The following SOCS6 variants were observed in gnomAD, a reference collection of about 807,000 sequenced individuals.
SOCS6 encodes the protein STAT induced STAT inhibitor-4.
SOCS6 carries 5 observed loss-of-function variants against 27.7 expected under a neutral mutation model. That is an observed-to-expected ratio of 0.18 (90% CI 0.09 to 0.38). SOCS6 has a LOEUF of 0.38. SOCS6 is among the 10% of genes least tolerant of loss of function. The pLI, the probability that SOCS6 is intolerant of heterozygous loss-of-function variation, is 1.00. For missense variants in SOCS6, 595 were observed against 688.1 expected (o/e 0.86, Z 1.51); for synonymous variants, 271 against 260.0 (o/e 1.04, Z -0.41).
At chr18:70,292,558 A>T (rs1183030708) in intron 1 of SOCS6, among the ~76,000 whole-genome samples, 1 of 152,102 alleles carries the variant, frequency 6.6e-6, no homozygotes, top group Non-Finnish European at 1.5e-5. Context: ...TATGTTGCCC[A>T]GTTGGTCTTG....
intron 1 of SOCS6, among the ~76,000 whole-genome samples, chr18:70,308,617 G>C (rs996244942): frequency 6.6e-6 from 1 of 152,076 alleles, no homozygotes; most frequent in Non-Finnish European, 1.5e-5. Flanking sequence ...TATATACCTT[G>C]CTATTTCATC....
intron 1 of SOCS6, among the ~76,000 whole-genome samples, chr18:70,295,924 T>C (rs2062320807): frequency 6.6e-6 from 1 of 152,182 alleles, no homozygotes; most frequent in African/African-American, 2.4e-5. Context: ...TCCTGGGAAC[T>C]GGGGAGTTTG....
intron 1 of SOCS6, among the ~76,000 whole-genome samples, chr18:70,315,725 C>T (rs7228521): frequency 0.054 from 8,167 of 152,068 alleles, 722 homozygotes; most frequent in African/African-American, 0.18. Context: ...TTATAATTAG[C>T]GACTTCTTGA....
At chr18:70,305,674 A>G (rs2062366171) in intron 1 of SOCS6, among the ~76,000 whole-genome samples, 1 of 152,224 alleles carries the variant, frequency 6.6e-6, no homozygotes, top group South Asian at 2.1e-4. Flanking sequence ...ATAATATTGA[A>G]TCTTCCAGTT....
chr18:70,289,605 C>A (rs1286753293), intron 1 of SOCS6, among the ~76,000 whole-genome samples: 2 of 144,054 alleles, frequency 1.4e-5, no homozygotes, highest in Non-Finnish European at 3.1e-5. Flanking sequence ...CGGGCTCGGG[C>A]TCGGGGTCGG....
Position 70,325,868 on chromosome 18 carries a change from C to T in SOCS6, c.1200C>T (p.Asn400=), listed in dbSNP as rs151095277. 3.5e-3 allele frequency: 5,727 copies of T among 1,614,152 alleles called. 14 individuals are homozygous for T. The highest frequency in any genetic ancestry group is 4.5e-3 in the Non-Finnish European group (5,288 of 1,180,002). ...TRWEAEGKLA[N]VPDGSFLVRD... ...GGGAGGCAGAAGGGAAGCTAGCAAA[C>T]GTGCCAGATGGTTCTTTTCTTGTTC... The change falls in exon 2 of 2, where the codon AAC becomes AAT. Residue 400 remains asparagine (N), a synonymous_variant. Coordinates refer to ENST00000397942, the MANE Select transcript of SOCS6 (RefSeq NM_004232.4). This position sits in a 1 kb window ranked among gnomAD's most constrained non-coding sequence, Gnocchi z 6.3.
At chr18:70,316,179 A>G (rs2062410667) in intron 1 of SOCS6, among the ~76,000 whole-genome samples, 1 of 152,118 alleles carries the variant, frequency 6.6e-6, no homozygotes, top group Non-Finnish European at 1.5e-5. Flanking sequence ...ATGTTAGTAT[A>G]CATTTGTGTT....
chr18:70,316,250 AT>A (rs987973298), intron 1 of SOCS6, among the ~76,000 whole-genome samples: 17 of 151,534 alleles, frequency 1.1e-4, no homozygotes, highest in South Asian at 4.2e-4. Flanking sequence ...AATTTAATTA[AT>A]TTTTTTTTGT....
At chr18:70,319,671 A>G (rs189093256) in intron 1 of SOCS6, among the ~76,000 whole-genome samples, 1 of 152,014 alleles carries the variant, frequency 6.6e-6, no homozygotes, top group East Asian at 1.9e-4. Flanking sequence ...AAGCTATAAA[A>G]ATTAATTTTA....
In SOCS6 at chr18:70,306,984, C is replaced by T. The variant is rs2062372227; in HGVS notation, c.-126-17559C>T. ...TGATGTTTTGTTAAGAAGTTTTGGC[C>T]AAGCATGGTGGCTTACGCCTGTAAT... On this transcript the variant is annotated intron_variant, in intron 1 of 1. Coordinates refer to ENST00000397942, the MANE Select transcript of SOCS6 (RefSeq NM_004232.4). Among the ~76,000 whole-genome samples the T allele has an allele frequency of 2.0e-5, 3 of 152,068 alleles. No homozygotes were observed. The South Asian group carries it at 6.2e-4, about 31-fold the overall frequency.
rs957352616 is a variant in SOCS6 at position 70,329,559 on chromosome 18, C to T, written c.*3283C>T. On this transcript the variant is annotated 3_prime_UTR_variant, in exon 2 of 2. Coordinates refer to ENST00000397942, the MANE Select transcript of SOCS6 (RefSeq NM_004232.4). The stretch of plus-strand genomic sequence containing the variant: ...GAGAGATACTGCTTTATGAATGAAT[C>T]GGAATAATACATTTTCATTTAAATC... 10 of 167,004 alleles carry T rather than the reference C, an allele frequency of 6.0e-5. No homozygotes were observed. The highest frequency in any genetic ancestry group is 2.2e-4 in the African/African-American group (9 of 41,436). 10.3% of individuals were successfully genotyped at this position (167,004 alleles called of 1,614,324 possible).
intron 1 of SOCS6, among the ~76,000 whole-genome samples, chr18:70,321,174 T>C (rs1288160285): frequency 6.6e-6 from 1 of 151,670 alleles, no homozygotes; most frequent in African/African-American, 2.4e-5. Context: ...CTCAGGAGGC[T>C]GAGGTGGGAG....
At chr18:70,300,309 A>G (rs2062342715) in intron 1 of SOCS6, among the ~76,000 whole-genome samples, 1 of 151,974 alleles carries the variant, frequency 6.6e-6, no homozygotes, top group Non-Finnish European at 1.5e-5. Context: ...GTATTTTTTT[A>G]GTAGAGACAA....
chr18:70,325,723 C>G lies in SOCS6; in HGVS notation c.1055C>G (p.Pro352Arg). 1 of 1,614,210 alleles carries G rather than the reference C, an allele frequency of 6.2e-7. No individual in the cohort carries two copies. The highest frequency in any genetic ancestry group is 8.5e-7 in the Non-Finnish European group (1 of 1,180,024). ...CHLNFDPNSA[P>R]GVARVYDSVQ... ...TTGAATTTTGATCCGAACTCTGCTC[C>G]TGGGGTTGCAAGAGTTTATGACTCA... The change falls in exon 2 of 2, where the codon CCT becomes CGT. Residue 352 changes from proline (P) to arginine (R), a missense_variant. Coordinates refer to ENST00000397942, the MANE Select transcript of SOCS6 (RefSeq NM_004232.4). The surrounding 1 kb of genome is among the most constrained non-coding windows in gnomAD (Gnocchi z 6.3).
At position 70,325,779 on chromosome 18, in the gene SOCS6, A is replaced by G; in HGVS notation, c.1111A>G (p.Ser371Gly). The G allele has an allele frequency of 6.2e-7, 1 of 1,614,218 alleles. No homozygotes were observed. Among genetic ancestry groups the G allele is most frequent in the Non-Finnish European group, 8.5e-7 (1 of 1,180,028 alleles). ...VQSSGPMVVT[S>G]LTEELKKLAK... Reference sequence around the variant, plus strand: ...AAGTAGTGGTCCCATGGTTGTGACAAGCCTTACAGAGGAGCTGAAAAAACT... The same window carrying G: ...AAGTAGTGGTCCCATGGTTGTGACAGGCCTTACAGAGGAGCTGAAAAAACT... The change falls in exon 2 of 2, where the codon AGC becomes GGC. Residue 371 changes from serine to glycine, a missense_variant. Ser to Gly is a moderately conservative substitution (Grantham distance 56). Transcript: ENST00000397942. The surrounding 1 kb of genome is among the most constrained non-coding windows in gnomAD (Gnocchi z 6.3).
intron 1 of SOCS6, among the ~76,000 whole-genome samples, chr18:70,298,667 G>T (rs1431578496): frequency 3.9e-5 from 6 of 152,130 alleles, no homozygotes; most frequent in Non-Finnish European, 8.8e-5. Flanking sequence ...TGTTGCCCAG[G>T]TCTCCACTGA....
rs763801302 is a variant in SOCS6 at position 70,325,617 on chromosome 18, A to G, written c.949A>G (p.Met317Val). ...TCCACTCTCACCATTGCTACCTCCA[A>G]TGCAGAATAATCAAATCCAAAGGAA... ...VPPLSPLLPPMQNNQIQRNFS... is the reference protein window; with the variant it reads ...VPPLSPLLPPVQNNQIQRNFS... Residue 317 changes from methionine to valine, a missense_variant, in exon 2 of 2, where the codon ATG (methionine) becomes GTG (valine). Around this residue, in one of 2 missense-constraint regions of SOCS6, gnomAD observed 467 missense variants for 481.1 expected, o/e 0.97. Transcript: ENST00000397942. This position sits in a 1 kb window ranked among gnomAD's most constrained non-coding sequence, Gnocchi z 6.3. The G allele has an allele frequency of 5.0e-6, 8 of 1,614,198 alleles. No individual in the cohort carries two copies. In the East Asian group the frequency reaches 1.3e-4, roughly 27 times the overall value.
Position 70,326,228 on chromosome 18 carries a change from G to T in SOCS6, c.1560G>T (p.Leu520=). 1 of 1,613,990 alleles carries T rather than the reference G, an allele frequency of 6.2e-7. No homozygotes were observed. The highest frequency in any genetic ancestry group is 8.5e-7 in the Non-Finnish European group (1 of 1,179,942). The change falls in exon 2 of 2, where the codon CTG becomes CTT. Residue 520 remains leucine (L), a synonymous_variant. Coordinates refer to ENST00000397942, the MANE Select transcript of SOCS6 (RefSeq NM_004232.4). ...QYTRIDLIQK[L]PLPNKMKDYL... ...CCAGAATAGACTTAATTCAGAAACT[G>T]CCTTTGCCAAACAAAATGAAGGATT... is the stretch of plus-strand genomic sequence containing the variant.
Position 70,327,507 on chromosome 18 carries a change from C to T in SOCS6, c.*1231C>T, listed in dbSNP as rs888618665. ...TTAGATAATGTGGAAGTCATATTGT[C>T]TATCATATATACTGCCATTTAAAAA... On this transcript the variant is annotated 3_prime_UTR_variant, in exon 2 of 2. Coordinates refer to ENST00000397942, the MANE Select transcript of SOCS6 (RefSeq NM_004232.4). The T allele has an allele frequency of 2.4e-5, 4 of 166,478 alleles. No individual in the cohort carries two copies. Among genetic ancestry groups the T allele is most frequent in the African/African-American group, 9.7e-5 (4 of 41,386 alleles). 10.3% of individuals were successfully genotyped at this position (166,478 alleles called of 1,614,324 possible).
Sources: allele counts gnomAD v4.1 joint callset (sites outside exome capture counted in the v4.1 genomes callset), GRCh38; gene constraint gnomAD v4.1.1; regional missense constraint gnomAD v4.1.1; non-coding constraint Gnocchi (gnomAD v3.1); transcripts MANE v1.5; gene names NCBI Gene and HGNC (gene_info 2026-07-23, HGNC 2026-07-21).